CASK: variants seen among roughly 807,000 people sequenced by gnomAD.
The protein encoded by CASK is calcium/calmodulin dependent serine protein kinase.
Under a neutral mutation model 82.9 loss-of-function variants are expected in CASK, and 4 were observed. The ratio of observed to expected loss-of-function variants is 0.05; its 90% CI spans 0.02 to 0.11. The LOEUF (loss-of-function observed/expected upper bound fraction) is 0.11. Among genes scored for constraint, CASK ranks in the 10% least tolerant of loss-of-function variants. The pLI, the probability that CASK is intolerant of heterozygous loss-of-function variation, is 1.00. For missense variants in CASK, 358 were observed against 720.9 expected, an observed-to-expected ratio of 0.50 and a Z score of 5.76; for synonymous variants, 259 against 253.5, an observed-to-expected ratio of 1.02 and a Z score of -0.20.
At chrX:41,545,618 G>C (rs1022586360) in intron 21 of CASK, among the ~76,000 whole-genome samples, 8 of 111,577 alleles carry the variant, frequency 7.2e-5, no homozygotes, top group Non-Finnish European at 1.5e-4. Flanking sequence ...TGTTCTTCAA[G>C]AGCATTTTGG....
At chrX:41,766,625 G>A (rs1057458224) in intron 3 of CASK, among the ~76,000 whole-genome samples, 5 of 112,107 alleles carry the variant, frequency 4.5e-5, no homozygotes, top group East Asian at 5.6e-4. Context: ...ACTGGCTCAC[G>A]CCTGTAATCC....
At chrX:41,722,537 GGTGTT>G (rs1357716362) in intron 5 of CASK, among the ~76,000 whole-genome samples, 98 of 112,305 alleles carry the variant, frequency 8.7e-4, no homozygotes, top group African/African-American at 3.2e-3. Flanking sequence ...CATTTCACAG[GGTGTT>G]GTGAAAACCA....
At chrX:41,754,732 C>T (rs762494551) in intron 3 of CASK, among the ~76,000 whole-genome samples, 16 of 110,691 alleles carry the variant, frequency 1.4e-4, no homozygotes, top group African/African-American at 4.6e-4. Context: ...TATATGAAAC[C>T]GACAAATTCT....
intron 2 of CASK, among the ~76,000 whole-genome samples, chrX:41,818,006 T>C (rs1365573498): frequency 2.7e-5 from 3 of 110,908 alleles, no homozygotes; most frequent in African/African-American, 9.8e-5. Flanking sequence ...GCTAGTACTG[T>C]GTTAACTGAA....
intron 11 of CASK, among the ~76,000 whole-genome samples, chrX:41,614,529 T>C (rs1322082744): frequency 9.1e-6 from 1 of 109,417 alleles, no homozygotes; most frequent in Non-Finnish European, 1.9e-5. Context: ...ATAATTTTTT[T>C]TTTTTTTTTT....
At chrX:41,556,141 A>C (rs1294273989) in intron 19 of CASK, 2 of 113,113 alleles carry the variant, frequency 1.8e-5, no homozygotes, top group Non-Finnish European at 3.7e-5. Flanking sequence ...CGATATACTT[A>C]GAATATCATT....
At chrX:41,650,186 T>C (rs1254235850) in intron 8 of CASK, among the ~76,000 whole-genome samples, 1 of 111,763 alleles carries the variant, frequency 8.9e-6, no homozygotes, top group African/African-American at 3.2e-5. Flanking sequence ...AGCACACTGA[T>C]GGGTCTTGAC....
intron 5 of CASK, among the ~76,000 whole-genome samples, chrX:41,707,048 G>A (rs897612360): frequency 8.9e-6 from 1 of 112,183 alleles, no homozygotes; most frequent in African/African-American, 3.2e-5. Flanking sequence ...AGTCTAGTTA[G>A]AACATTAAAG....
At chrX:41,564,614 T>A (rs995525880) in intron 16 of CASK, among the ~76,000 whole-genome samples, 2 of 111,677 alleles carry the variant, frequency 1.8e-5, no homozygotes, top group African/African-American at 6.5e-5. Flanking sequence ...AGTGCAGTAA[T>A]ATAACAAAGA....
chrX:41,616,080 T>C (rs932698244), intron 11 of CASK, among the ~76,000 whole-genome samples: 1 of 112,011 alleles, frequency 8.9e-6, no homozygotes, highest in African/African-American at 3.2e-5. Flanking sequence ...CAGGGATGTA[T>C]CATTTGTTGG....
chrX:41,808,858 G>T (rs56750459), intron 2 of CASK, among the ~76,000 whole-genome samples: 2 of 112,416 alleles, frequency 1.8e-5, no homozygotes, highest in African/African-American at 6.5e-5. Context: ...CTGGAAAATC[G>T]CGTCACTCTC....
chrX:41,682,255 A>T (rs1298014521), intron 5 of CASK, among the ~76,000 whole-genome samples: 1 of 110,081 alleles, frequency 9.1e-6, no homozygotes, highest in Non-Finnish European at 1.9e-5. Context: ...AACTTAAAGC[A>T]AAAAGAAGGT....
At chrX:41,786,423 T>G (rs1231181895) in intron 3 of CASK, among the ~76,000 whole-genome samples, 1 of 103,487 alleles carries the variant, frequency 9.7e-6, no homozygotes, top group Non-Finnish European at 2.0e-5. Flanking sequence ...AAAATAGAGA[T>G]AGGTTTTGGT....
At chrX:41,742,656 GA>G (rs763657346) in intron 4 of CASK, among the ~76,000 whole-genome samples, 44 of 111,994 alleles carry the variant, frequency 3.9e-4, no homozygotes, top group Non-Finnish European at 7.1e-4. Context: ...GGTCTCACTA[GA>G]ATACTGATAC....
In CASK at chrX:41,626,705, TA is replaced by T; in HGVS notation, c.916-3del. The T allele has an allele frequency of 1.8e-6, 2 of 1,111,747 alleles. No homozygotes were observed. Among genetic ancestry groups the T allele is most frequent in the African/African-American group, 3.6e-5 (2 of 56,006 alleles). 91.6% of individuals were successfully genotyped at this position (1,111,747 alleles called of 1,213,427 possible). A position where few individuals can be genotyped will look rare whatever the true frequency, so the allele number is the denominator to read the frequency against. On this transcript the variant is annotated splice_polypyrimidine_tract_variant and splice_region_variant and intron_variant, in intron 9 of 26. Coordinates refer to ENST00000378163, the MANE Select transcript of CASK (RefSeq NM_001367721.1). Reference sequence around the variant, plus strand: ...TGACACAGCGGCTAGTACTGCACCCTAAAACAAAGAGATGAAAAAATAGATT... The same window carrying T: ...TGACACAGCGGCTAGTACTGCACCCTAAACAAAGAGATGAAAAAATAGATT...
chrX:41,794,852 A>G (rs774780619), intron 2 of CASK, among the ~76,000 whole-genome samples: 1 of 112,794 alleles, frequency 8.9e-6, no homozygotes, highest in African/African-American at 3.2e-5. Flanking sequence ...TAATTGTGTT[A>G]TCTATAATTT....
intron 10 of CASK, among the ~76,000 whole-genome samples, chrX:41,625,437 C>T (rs1381539158): frequency 9.0e-6 from 1 of 110,838 alleles, no homozygotes; most frequent in Non-Finnish European, 1.9e-5. Flanking sequence ...CTGCCCGCCT[C>T]GGCCTCCCAA....
At chrX:41,846,497 T>C (rs967044118) in intron 2 of CASK, among the ~76,000 whole-genome samples, 32 of 110,325 alleles carry the variant, frequency 2.9e-4, no homozygotes, top group Non-Finnish European at 4.6e-4. Flanking sequence ...GTACAAAAAA[T>C]AGAAAGAATG....
intron 16 of CASK, among the ~76,000 whole-genome samples, chrX:41,564,984 ACTG>A: frequency 8.9e-6 from 1 of 112,138 alleles, no homozygotes; most frequent in Non-Finnish European, 1.9e-5. Flanking sequence ...CTGATTGACT[ACTG>A]GGTAAATAAC....
Sources: gnomAD v4.1 joint callset for allele counts (sites outside exome capture counted in the v4.1 genomes callset) on GRCh38, gnomAD v4.1.1 for gene constraint, MANE v1.5 for transcripts, NCBI Gene and HGNC (gene_info 2026-07-23, HGNC 2026-07-21) for gene names.